The following GABRA6 variants were observed in gnomAD, a reference collection of about 807,000 sequenced individuals.
The protein encoded by GABRA6 is gamma-aminobutyric acid receptor subunit alpha-6.
Under a neutral mutation model 47.3 loss-of-function variants are expected in GABRA6, and 45 were observed. That is an observed-to-expected ratio of 0.95 (90% CI 0.75 to 1.22). The LOEUF (loss-of-function observed/expected upper bound fraction) is 1.22, where lower values mean the gene tolerates loss of function less well. GABRA6 is among the 50% of genes most tolerant of loss of function. GABRA6 has a pLI of 0.00. For missense variants in GABRA6, 583 were observed against 549.3 expected, an observed-to-expected ratio of 1.06 and a Z score of -0.61; for synonymous variants, 219 against 194.7, an observed-to-expected ratio of 1.12 and a Z score of -1.04.
intron 7 of GABRA6, among the ~76,000 whole-genome samples, chr5:161,691,101 G>T (rs1754779790): frequency 6.6e-6 from 1 of 151,840 alleles, no homozygotes; most frequent in African/African-American, 2.4e-5. Flanking sequence ...AAGGAAAACT[G>T]CCAGCAAGTG....
In GABRA6 at chr5:161,702,138, G is replaced by T. The variant is rs978289723; in HGVS notation, c.*365G>T. The stretch of plus-strand genomic sequence containing the variant: ...ATAAGAAATGCTGACACTTCCAAAG[G>T]TTGCCTTAAAATATGTTTATTTTGG... On this transcript the variant is annotated 3_prime_UTR_variant, in exon 9 of 9. Coordinates refer to ENST00000274545, the MANE Select transcript of GABRA6 (RefSeq NM_000811.3). The T allele has an allele frequency of 4.9e-5, 12 of 242,930 alleles. No individual in the cohort carries two copies. The highest frequency in any genetic ancestry group is 1.0e-4 in the Admixed American group (2 of 19,598). The allele number at this position is 242,930 out of a possible 1,614,324, so 15.0% of individuals were successfully genotyped here.
chr5:161,688,974 G>A lies in GABRA6; in HGVS notation c.251G>A (p.Arg84His), dbSNP rs762236781. Reference protein sequence around the residue: ...EMEYTMDVFFRQTWTDERLKF... With the variant: ...EMEYTMDVFFHQTWTDERLKF... ...GAGTATACGATGGATGTTTTTTTCC[G>A]CCAGACCTGGACTGATGAGAGGTTG... Residue 84 changes from arginine to histidine, a missense_variant, in exon 4 of 9, where the codon CGC becomes CAC. Physicochemically the swap from Arg to His is conservative, Grantham distance 29. Transcript: ENST00000274545. 3.5e-5 allele frequency: 57 copies of A among 1,613,428 alleles called. No individual in the cohort carries two copies. In the Middle Eastern group the frequency reaches 4.9e-4, roughly 14 times the overall value.
intron 8 of GABRA6, among the ~76,000 whole-genome samples, chr5:161,694,871 G>A (rs577591095): frequency 6.6e-5 from 10 of 152,068 alleles, no homozygotes; most frequent in East Asian, 1.9e-4. Flanking sequence ...ACATTTGTTC[G>A]TGTCAAACCT....
At chr5:161,688,816 G>T in intron 3 of GABRA6, 133 bp from the exon 4 acceptor site, 1 of 751,658 alleles carries the variant, frequency 1.3e-6, no homozygotes, top group Non-Finnish European at 2.3e-6. Flanking sequence ...TAAAATTATA[G>T]CTTTGTGAGA....
In GABRA6 at chr5:161,689,748, A is replaced by G; in HGVS notation, c.642A>G (p.Thr214=). The stretch of plus-strand genomic sequence containing the variant: ...TCCAGTATGATCTGATTGGACAAAC[A>G]GTATCTAGTGAGACAATTAAATCTA... The part of the protein sequence containing the change: ...SLLQYDLIGQ[T]VSSETIKSNT... The change falls in exon 6 of 9, where the codon ACA becomes ACG. Residue 214 remains threonine, a synonymous_variant. Transcript: ENST00000274545. The G allele has an allele frequency of 6.2e-7, 1 of 1,613,478 alleles. No homozygotes were observed. The highest frequency in any genetic ancestry group is 8.5e-7 in the Non-Finnish European group (1 of 1,179,454).
At chr5:161,694,716 G>A (rs1754858391) in intron 8 of GABRA6, among the ~76,000 whole-genome samples, 1 of 151,980 alleles carries the variant, frequency 6.6e-6, no homozygotes, top group Non-Finnish European at 1.5e-5. Context: ...TACTTAAAAT[G>A]TTTTAAAGCA....
intron 8 of GABRA6, among the ~76,000 whole-genome samples, chr5:161,692,897 T>A (rs755205081): frequency 2.6e-5 from 4 of 152,220 alleles, no homozygotes; most frequent in Non-Finnish European, 5.9e-5. Context: ...CAAGGGCCAT[T>A]AATATGCCCC....
chr5:161,689,832 C>T, intron 6 of GABRA6, 53 bp downstream of exon 6: 1 of 1,521,992 alleles, frequency 6.6e-7, no homozygotes, highest in Non-Finnish European at 9.1e-7. Flanking sequence ...CTCCAGTGCA[C>T]ATTTTCAAAA....
intron 8 of GABRA6, among the ~76,000 whole-genome samples, chr5:161,694,333 C>T (rs1754852175): frequency 6.7e-6 from 1 of 148,574 alleles, no homozygotes; most frequent in African/African-American, 2.5e-5. Flanking sequence ...TCGTCAAAAA[C>T]AGAAAAAAAA....
chr5:161,686,811 G>A, intron 2 of GABRA6, 125 bp from the exon 3 acceptor site: 1 of 806,228 alleles, frequency 1.2e-6, no homozygotes. Context: ...CCCCACTACT[G>A]GAATGCAATA....
Position 161,701,959 on chromosome 5 carries a change from G to T in GABRA6, c.*186G>T. On this transcript the variant is annotated 3_prime_UTR_variant, in exon 9 of 9. Transcript: ENST00000274545. Reference sequence around the variant, plus strand: ...ATAATCCTACTCCTCAAAATAGAAAGTTGAAGATTGCTGAAAAATATGACT... The same window carrying T: ...ATAATCCTACTCCTCAAAATAGAAATTTGAAGATTGCTGAAAAATATGACT... The T allele has an allele frequency of 3.2e-6, 2 of 621,882 alleles. No individual in the cohort carries two copies. Among genetic ancestry groups the T allele is most frequent in the South Asian group, 4.2e-5 (2 of 48,036 alleles). The allele number at this position is 621,882 out of a possible 1,614,324, so 38.5% of individuals were successfully genotyped here.
Position 161,685,962 on chromosome 5 carries a change from T to A in GABRA6, c.-28T>A. 1 of 1,610,254 alleles carries A rather than the reference T, an allele frequency of 6.2e-7. No homozygotes were observed. Among genetic ancestry groups the A allele is most frequent in the African/African-American group, 1.3e-5 (1 of 74,952 alleles). The stretch of plus-strand genomic sequence containing the variant: ...AGCAGGGAGGACGACCCTAGGAGGG[T>A]GAATTCTGCATTTCAGTGCACTGCA... On this transcript the variant is annotated 5_prime_UTR_variant, in exon 1 of 9. Coordinates refer to ENST00000274545, the MANE Select transcript of GABRA6 (RefSeq NM_000811.3).
chr5:161,701,949 A>C lies in GABRA6; in HGVS notation c.*176A>C. The stretch of plus-strand genomic sequence containing the variant: ...CAAAAAAGCAATAATCCTACTCCTC[A>C]AAATAGAAAGTTGAAGATTGCTGAA... On this transcript the variant is annotated 3_prime_UTR_variant, in exon 9 of 9. Transcript: ENST00000274545. 1 of 654,718 alleles carries C rather than the reference A, an allele frequency of 1.5e-6. No homozygotes were observed. Among genetic ancestry groups the C allele is most frequent in the Non-Finnish European group, 2.6e-6 (1 of 385,550 alleles). The allele number at this position is 654,718 out of a possible 1,614,324, so 40.6% of individuals were successfully genotyped here. A position where few individuals can be genotyped will look rare whatever the true frequency, so the allele number is the denominator to read the frequency against.
chr5:161,701,367 C>A (rs1158621555), intron 8 of GABRA6, 131 bp from the exon 9 acceptor site: 2 of 952,296 alleles, frequency 2.1e-6, no homozygotes, highest in Non-Finnish European at 1.7e-6. Flanking sequence ...ATTAAGAATT[C>A]ATTGATGTTT....
At chr5:161,689,534 T>C in intron 5 of GABRA6, 102 bp from the exon 6 acceptor site, 1 of 1,146,520 alleles carries the variant, frequency 8.7e-7, no homozygotes, top group Non-Finnish European at 1.3e-6. Flanking sequence ...TTAAATACAA[T>C]CTATGTTTGT....
At position 161,689,247 on chromosome 5, in the gene GABRA6, T is replaced by C. The variant is rs757168513; in HGVS notation, c.447-7T>C. On this transcript the variant is annotated splice_polypyrimidine_tract_variant and splice_region_variant and intron_variant, in intron 4 of 8. Transcript: ENST00000274545. ...TAACTCAGAACCGTTGATTTCAATG[T>C]TTCTAGGCTTACCATCAATGCTGAC... The C allele has an allele frequency of 4.5e-5, 73 of 1,613,686 alleles. No homozygotes were observed. Among genetic ancestry groups the C allele is most frequent in the Non-Finnish European group, 6.0e-5 (71 of 1,179,694 alleles).
At chr5:161,692,871 G>T (rs73307565) in intron 8 of GABRA6, among the ~76,000 whole-genome samples, 12,673 of 152,082 alleles carry the variant, frequency 0.083, 615 homozygotes, top group African/African-American at 0.12. Flanking sequence ...AGAAACAAAT[G>T]GTAACATTAA....
chr5:161,693,193 C>T (rs1377248841), intron 8 of GABRA6, among the ~76,000 whole-genome samples: 2 of 152,076 alleles, frequency 1.3e-5, no homozygotes, highest in Non-Finnish European at 2.9e-5. Context: ...AGTTTTAAAG[C>T]GATTTGTTTT....
At chr5:161,686,516 C>A (rs983597814) in intron 2 of GABRA6, among the ~76,000 whole-genome samples, 168 bp downstream of exon 2, 1 of 152,120 alleles carries the variant, frequency 6.6e-6, no homozygotes, top group Non-Finnish European at 1.5e-5. Context: ...CCATTAGTAG[C>A]CTTGTTCAAG....
Sources: gnomAD v4.1 joint callset for allele counts (sites outside exome capture counted in the v4.1 genomes callset) on GRCh38, gnomAD v4.1.1 for gene constraint, MANE v1.5 for transcripts, NCBI Gene and HGNC (gene_info 2026-07-23, HGNC 2026-07-21) for gene names.